Variants in PTPRK observed in about 807,000 individuals in gnomAD.
The protein encoded by PTPRK is protein tyrosine phosphatase receptor type K.
Under a neutral mutation model 178.0 loss-of-function variants are expected in PTPRK, and 75 were observed. The ratio of observed to expected loss-of-function variants is 0.42; its 90% confidence interval spans 0.35 to 0.51. The LOEUF (loss-of-function observed/expected upper bound fraction) is 0.51, where lower values mean the gene tolerates loss of function less well. PTPRK is among the 20% of genes least tolerant of loss of function. PTPRK has a pLI of 0.02. For missense variants in PTPRK, 1,441 were observed against 1,797.8 expected (o/e 0.80, Z 3.59); for synonymous variants, 637 against 620.6 (o/e 1.03, Z -0.39).
chr6:128,027,023 C>T (rs568221788), intron 13 of PTPRK, among the ~76,000 whole-genome samples: 100 of 152,238 alleles, frequency 6.6e-4, no homozygotes, highest in African/African-American at 2.3e-3. Flanking sequence ...ACTTGACTTA[C>T]AGCTCACAGT....
At chr6:127,983,200 A>G (rs1775560609) in intron 23 of PTPRK, 42 bp downstream of exon 23, 1 of 1,489,120 alleles carries the variant, frequency 6.7e-7, no homozygotes, top group Non-Finnish European at 8.9e-7. Context: ...TGCAAAAAAA[A>G]TAAAAAATAA....
intron 27 of PTPRK, among the ~76,000 whole-genome samples, chr6:127,975,531 C>T (rs1774443078): frequency 6.6e-6 from 1 of 152,270 alleles, no homozygotes; most frequent in East Asian, 1.9e-4. Flanking sequence ...CCTAATCACA[C>T]ACTTAAAATA....
intron 6 of PTPRK, among the ~76,000 whole-genome samples, chr6:128,199,796 A>G (rs1251236105): frequency 2.6e-5 from 4 of 152,128 alleles, no homozygotes. Context: ...TCAATCACAA[A>G]CATGGGCGTC....
intron 3 of PTPRK, among the ~76,000 whole-genome samples, chr6:128,247,604 C>T (rs1815709504): frequency 6.6e-6 from 1 of 152,200 alleles, no homozygotes; most frequent in Non-Finnish European, 1.5e-5. Flanking sequence ...CAGGCATGAG[C>T]CACCACACCT....
Position 128,410,184 on chromosome 6 carries a change from T to C in PTPRK, c.101-12496A>G, listed in dbSNP as rs71545230. 5.6e-3 allele frequency among the ~76,000 whole-genome samples: 852 copies of C among 152,298 alleles called. 5 individuals are homozygous for C. Among genetic ancestry groups the C allele is most frequent in the Middle Eastern group, 0.014 (4 of 294 alleles). On this transcript the variant is annotated intron_variant, in intron 1 of 29. Transcript: ENST00000368226. ...AGCAATTAGCTGATATTCCAAGTAA[T>C]TGTATTTGTCTAAGATTCTTTCATG... is the stretch of plus-strand genomic sequence containing the variant.
chr6:128,101,875 T>C (rs746319094), intron 7 of PTPRK, among the ~76,000 whole-genome samples: 1 of 152,200 alleles, frequency 6.6e-6, no homozygotes, highest in Non-Finnish European at 1.5e-5. Context: ...ATCTCCCTAT[T>C]GAAACACTTC....
At chr6:128,025,210 C>A (rs1774102435) in intron 13 of PTPRK, among the ~76,000 whole-genome samples, 1 of 152,232 alleles carries the variant, frequency 6.6e-6, no homozygotes, top group African/African-American at 2.4e-5. Context: ...ACACTCCACT[C>A]TCTCCCTGTG....
At chr6:128,043,473 GA>G (rs1441041574) in intron 13 of PTPRK, among the ~76,000 whole-genome samples, 8 of 151,946 alleles carry the variant, frequency 5.3e-5, no homozygotes, top group Admixed American at 5.3e-4. Flanking sequence ...AAAGAAATAT[GA>G]AATGGAGTAT....
At chr6:128,397,545 A>G in intron 2 of PTPRK, 21 bp downstream of exon 2, 1 of 1,613,606 alleles carries the variant, frequency 6.2e-7, no homozygotes, top group African/African-American at 1.3e-5. Flanking sequence ...CCCAACACTG[A>G]CTAAACAGAG....
At chr6:128,100,128 T>C (rs570039429) in intron 7 of PTPRK, among the ~76,000 whole-genome samples, 1 of 151,876 alleles carries the variant, frequency 6.6e-6, no homozygotes, top group Admixed American at 6.6e-5. Context: ...ACAAAAAGAA[T>C]TACAAAACTG....
intron 1 of PTPRK, among the ~76,000 whole-genome samples, chr6:128,412,600 A>G (rs1296425552): frequency 1.3e-5 from 2 of 152,264 alleles, no homozygotes; most frequent in African/African-American, 4.8e-5. Context: ...GTAGGCCAGC[A>G]GCCTCATATG....
At chr6:128,071,540 A>C (rs1203400390) in intron 11 of PTPRK, among the ~76,000 whole-genome samples, 1 of 152,036 alleles carries the variant, frequency 6.6e-6, no homozygotes, top group African/African-American at 2.4e-5. Flanking sequence ...CAAGATACTG[A>C]AAATATGAAA....
chr6:128,057,507 C>T (rs890009459), intron 13 of PTPRK, among the ~76,000 whole-genome samples: 6 of 152,150 alleles, frequency 3.9e-5, no homozygotes, highest in Non-Finnish European at 8.8e-5. Context: ...GTGACCAGTT[C>T]CCACTAAAAA....
intron 7 of PTPRK, among the ~76,000 whole-genome samples, chr6:128,165,140 C>A (rs74840467): frequency 2.0e-5 from 3 of 150,868 alleles, no homozygotes; most frequent in Non-Finnish European, 4.5e-5. Flanking sequence ...TTAAAAAAAA[C>A]CTAAATCAAG....
At chr6:128,053,987 A>G (rs1779485552) in intron 13 of PTPRK, among the ~76,000 whole-genome samples, 1 of 152,214 alleles carries the variant, frequency 6.6e-6, no homozygotes, top group Admixed American at 6.5e-5. Flanking sequence ...CATATATGCT[A>G]TTGAGATTTT....
At chr6:128,247,988 A>G (rs1215418667) in intron 3 of PTPRK, among the ~76,000 whole-genome samples, 2 of 152,192 alleles carry the variant, frequency 1.3e-5, no homozygotes, top group Admixed American at 6.5e-5. Flanking sequence ...TTCAGAATAA[A>G]TCACACATCT....
intron 1 of PTPRK, among the ~76,000 whole-genome samples, chr6:128,499,285 G>A (rs1030820035): frequency 2.6e-5 from 4 of 152,170 alleles, no homozygotes; most frequent in Middle Eastern, 3.2e-3. Context: ...CTTCAGGTTC[G>A]AAAAATATTT....
intron 7 of PTPRK, among the ~76,000 whole-genome samples, chr6:128,138,702 T>G (rs1394001487): frequency 6.6e-6 from 1 of 152,146 alleles, no homozygotes; most frequent in Non-Finnish European, 1.5e-5. Flanking sequence ...AAACTATTTC[T>G]ATCAATCATC....
chr6:128,237,469 A>G (rs755053319), intron 5 of PTPRK, among the ~76,000 whole-genome samples: 1 of 152,212 alleles, frequency 6.6e-6, no homozygotes, highest in African/African-American at 2.4e-5. Context: ...ATGCAAAACG[A>G]ATTACAAGAC....
Sources: allele counts gnomAD v4.1 joint callset (sites outside exome capture counted in the v4.1 genomes callset), GRCh38; gene constraint gnomAD v4.1.1; transcripts MANE v1.5; gene names NCBI Gene and HGNC (gene_info 2026-07-23, HGNC 2026-07-21).